Variants in AKR1C2 observed in about 807,000 individuals in gnomAD.
AKR1C2 encodes the protein aldo-keto reductase family 1 member C2.
Under a neutral mutation model 39.8 loss-of-function variants are expected in AKR1C2, and 27 were observed. The ratio of observed to expected loss-of-function variants is 0.68; its 90% CI spans 0.50 to 0.93. The LOEUF (loss-of-function observed/expected upper bound fraction) is 0.93. Ranked by LOEUF, AKR1C2 falls within the 40% of genes least tolerant of loss-of-function variation. The pLI, the probability that AKR1C2 is intolerant of heterozygous loss-of-function variation, is 0.00. For synonymous variants in AKR1C2, 114 were observed against 137.9 expected (o/e 0.83, Z 1.22); for missense variants, 263 against 365.1 (o/e 0.72, Z 2.28).
intron 1 of AKR1C2, chr10:5,017,874 GGCAC>G (rs2131736926): frequency 1.3e-5 from 2 of 152,792 alleles, no homozygotes; most frequent in South Asian, 2.1e-4. Context: ...CAGAAGGCAT[GGCAC>G]GGGAGGCCTC....
upstream of AKR1C2, among the ~76,000 whole-genome samples, chr10:5,005,659 G>A (rs1257706913): frequency 6.6e-6 from 1 of 152,184 alleles, no homozygotes; most frequent in Non-Finnish European, 1.5e-5. Context: ...CTCCATTCTG[G>A]TGACAGAGCA....
At chr10:4,995,627 C>T in intron 6 of AKR1C2, 129 bp downstream of exon 6, 1 of 1,323,414 alleles carries the variant, frequency 7.6e-7, no homozygotes, top group South Asian at 1.5e-5. Flanking sequence ...CACCTGGGAT[C>T]TCGTCAGAAA....
At chr10:4,998,320 T>C (rs1426218990) in intron 5 of AKR1C2, among the ~76,000 whole-genome samples, 2 of 152,180 alleles carry the variant, frequency 1.3e-5, no homozygotes, top group African/African-American at 4.8e-5. Context: ...TCTCTGGTCA[T>C]CTTTCGTAGC....
intron 5 of AKR1C2, among the ~76,000 whole-genome samples, chr10:4,996,550 A>G (rs1554773118): frequency 6.8e-6 from 1 of 146,206 alleles, no homozygotes; most frequent in Non-Finnish European, 1.5e-5. Flanking sequence ...TATATATAAT[A>G]TATATATATA....
At chr10:4,992,761 G>C (rs1210441468) in intron 7 of AKR1C2, among the ~76,000 whole-genome samples, 1 of 152,140 alleles carries the variant, frequency 6.6e-6, no homozygotes, top group Non-Finnish European at 1.5e-5. Context: ...GAACAGCCTG[G>C]GCAACACAGT....
chr10:4,991,314 A>G (rs1411045271), intron 8 of AKR1C2, among the ~76,000 whole-genome samples: 1 of 151,952 alleles, frequency 6.6e-6, no homozygotes, highest in Non-Finnish European at 1.5e-5. Flanking sequence ...GAAAGGCACG[A>G]AAAAGGTTTG....
upstream of AKR1C2, among the ~76,000 whole-genome samples, chr10:5,008,502 G>A (rs1408636786): frequency 6.6e-6 from 1 of 151,958 alleles, no homozygotes; most frequent in Non-Finnish European, 1.5e-5. Flanking sequence ...TGACTAGTGT[G>A]GGTCGTGGAG....
chr10:4,999,504 T>C, intron 3 of AKR1C2: 6 of 883,690 alleles, frequency 6.8e-6, no homozygotes, highest in Non-Finnish European at 4.9e-6. Context: ...AAATACCATC[T>C]TTCTGGTTCC....
chr10:4,998,357 G>T (rs183023400), intron 5 of AKR1C2, among the ~76,000 whole-genome samples: 2 of 152,292 alleles, frequency 1.3e-5, no homozygotes, highest in African/African-American at 4.8e-5. Context: ...CTTTCCCTGA[G>T]TCTAATTGGC....
upstream of AKR1C2, among the ~76,000 whole-genome samples, chr10:5,008,950 A>G (rs573872087): frequency 1.3e-5 from 2 of 152,312 alleles, no homozygotes; most frequent in Admixed American, 1.3e-4. Flanking sequence ...GGTACACTTG[A>G]GCCTCACAGA....
upstream of AKR1C2, among the ~76,000 whole-genome samples, chr10:5,008,567 G>T (rs138487183): frequency 0.037 from 5,575 of 151,966 alleles, 168 homozygotes; most frequent in African/African-American, 0.13. Flanking sequence ...GAAAGAAACT[G>T]ATCTCAGGAG....
Position 5,001,663 on chromosome 10 carries a change from G to A in AKR1C2, c.103C>T (p.Leu35=), listed in dbSNP as rs8625. 8.7e-6 allele frequency: 14 copies of A among 1,613,710 alleles called. No homozygotes were observed. The African/African-American group carries it at 1.2e-4, about 14-fold the overall frequency. ...TCTATTGCCAATTTGACGGCCTCTAGAGCTTTACTTTTAGGAACCTGGGGG... is the reference window on the plus strand; with the variant it reads ...TCTATTGCCAATTTGACGGCCTCTAAAGCTTTACTTTTAGGAACCTGGGGG... ...APAEVPKSKA[L]EAVKLAIEAG... The change falls in exon 2 of 9, where the codon CTA becomes TTA. Residue 35 remains leucine (L), a synonymous_variant. Coordinates refer to ENST00000380753, the MANE Select transcript of AKR1C2 (RefSeq NM_001393392.1).
chr10:4,995,704 A>ATT, intron 6 of AKR1C2, 52 bp downstream of exon 6: 1 of 1,519,726 alleles, frequency 6.6e-7, no homozygotes, highest in South Asian at 1.2e-5. Context: ...ATCTGATTAA[A>ATT]TTTTTTTTAT....
At chr10:4,998,497 G>A (rs1554773401) in intron 5 of AKR1C2, 128 bp downstream of exon 5, 10 of 1,514,532 alleles carry the variant, frequency 6.6e-6, no homozygotes, top group Non-Finnish European at 8.8e-6. Flanking sequence ...GCCCTTCTAG[G>A]AAGAGGCTTT....
At chr10:5,016,837 T>C (rs1274588028) in intron 1 of AKR1C2, among the ~76,000 whole-genome samples, 1 of 152,224 alleles carries the variant, frequency 6.6e-6, no homozygotes, top group Admixed American at 6.5e-5. Context: ...TTATACATTC[T>C]CTGAAATCTA....
At chr10:5,003,335 T>C (rs1837328078) in intron 1 of AKR1C2, among the ~76,000 whole-genome samples, 1 of 151,102 alleles carries the variant, frequency 6.6e-6, no homozygotes, top group Non-Finnish European at 1.5e-5. Flanking sequence ...AGGCCGCCCA[T>C]CAGAACAGTG....
chr10:5,000,739 T>C, intron 2 of AKR1C2, 73 bp from the exon 3 acceptor site: 1 of 1,384,002 alleles, frequency 7.2e-7, no homozygotes, highest in South Asian at 1.3e-5. Context: ...CCACCTAATA[T>C]TTAGACATTT....
intron 1 of AKR1C2, among the ~76,000 whole-genome samples, chr10:5,009,100 C>T (rs2131721682): frequency 6.6e-6 from 1 of 152,292 alleles, no homozygotes; most frequent in South Asian, 2.1e-4. Flanking sequence ...GGCTGAGGTA[C>T]TGCTGATGCC....
At chr10:5,000,292 T>G (rs1394675225) in intron 3 of AKR1C2, 152 of 1,480,644 alleles carry the variant, frequency 1.0e-4, no homozygotes, top group South Asian at 1.3e-4. Flanking sequence ...AAGGAGATGA[T>G]TGTCATTTCC....
Sources: gnomAD v4.1 joint callset for allele counts (sites outside exome capture counted in the v4.1 genomes callset) on GRCh38, gnomAD v4.1.1 for gene constraint, MANE v1.5 for transcripts, NCBI Gene and HGNC (gene_info 2026-07-23, HGNC 2026-07-21) for gene names.